Variants in PLAGL1 observed in about 807,000 individuals in gnomAD.
The protein encoded by PLAGL1 is PLAG1 like zinc finger 1.
In PLAGL1, 1 loss-of-function variant was observed where a neutral mutation model predicts 4.6. The observed-to-expected ratio is 0.22, with a 90% CI of 0.08 to 1.03. The LOEUF is 1.03. PLAGL1 is among the 50% of genes least tolerant of loss of function. The pLI is 0.58. For synonymous variants in PLAGL1, 240 were observed against 237.8 expected (o/e 1.01, Z -0.08); for missense variants, 464 against 570.4 (o/e 0.81, Z 1.90).
chr6:144,009,839 G>A (rs995346390), upstream of PLAGL1, among the ~76,000 whole-genome samples: 1 of 152,282 alleles, frequency 6.6e-6, no homozygotes, highest in South Asian at 2.1e-4. Context: ...CCCTACAAAG[G>A]ACATGAACTC....
At chr6:143,999,783 A>T (rs1792436385) in intron 1 of PLAGL1, among the ~76,000 whole-genome samples, 1 of 152,256 alleles carries the variant, frequency 6.6e-6, no homozygotes, top group Admixed American at 6.5e-5. Flanking sequence ...AAGATGATTT[A>T]GTAATTAATT....
Position 143,941,518 on chromosome 6 carries a change from C to T in PLAGL1, c.1298G>A (p.Ser433Asn). ...GGGGGGCAGGGGGAGCTGGCCCAGG[C>T]TCACAGTGCCCATGGCAAGTGGGGG... ...QEPPLAMGTVSLGQLPLPPIP... is the reference protein window; with the variant it reads ...QEPPLAMGTVNLGQLPLPPIP... Residue 433 changes from serine to asparagine, a missense_variant, in exon 8 of 8, where the codon AGC becomes AAC. Ser to Asn is a conservative substitution (Grantham distance 46, BLOSUM62 1). Transcript: ENST00000674357. This position sits in a 1 kb window ranked among gnomAD's most constrained non-coding sequence, Gnocchi z 6.0. 1 of 1,545,422 alleles carries T rather than the reference C, an allele frequency of 6.5e-7. No individual in the cohort carries two copies. The highest frequency in any genetic ancestry group is 8.7e-7 in the Non-Finnish European group (1 of 1,146,268).
At chr6:144,020,971 GT>G (rs1248362390) in intron 1 of PLAGL1, among the ~76,000 whole-genome samples, 1 of 149,798 alleles carries the variant, frequency 6.7e-6, no homozygotes, top group Non-Finnish European at 1.5e-5. Context: ...ATATGAGCTG[GT>G]TAAGACATAC....
At position 143,945,713 on chromosome 6, in the gene PLAGL1, G is replaced by C. The variant is rs1372627337; in HGVS notation, c.152+2272C>G. Among the ~76,000 whole-genome samples, 1 of 152,160 alleles carries C rather than the reference G, an allele frequency of 6.6e-6. No individual in the cohort carries two copies. Among genetic ancestry groups the C allele is most frequent in the African/African-American group, 2.4e-5 (1 of 41,426 alleles). ...GATTATCTCGATCTGTTGACCTCAT[G>C]ATCCACCCACCTCGGCCTCCCAAAG... On this transcript the variant is annotated intron_variant, in intron 7 of 7. Transcript: ENST00000674357. The surrounding 1 kb of genome is among the most constrained non-coding windows in gnomAD (Gnocchi z 4.2).
rs527821007 is a variant in PLAGL1 at position 144,034,971 on chromosome 6, T to C, written c.-151+29497A>G. 2.4e-4 allele frequency among the ~76,000 whole-genome samples: 37 copies of C among 152,300 alleles called. No individual in the cohort carries two copies. The South Asian group carries it at 7.7e-3, about 32-fold the overall frequency. Reference sequence around the variant, plus strand: ...CTTGGAAATAAGGTAAATTGATGGATGGGTATGTAATACATTGAGAACAGT... The same window carrying C: ...CTTGGAAATAAGGTAAATTGATGGACGGGTATGTAATACATTGAGAACAGT... On this transcript the variant is annotated intron_variant, in intron 1 of 3. Coordinates refer to the PLAGL1 transcript ENST00000437412. This position sits in a 1 kb window ranked among gnomAD's most constrained non-coding sequence, Gnocchi z 4.7.
rs1489962322 is a variant in PLAGL1, at chr6:144,000,498, T to A, written c.-584+7592A>T. On this transcript the variant is annotated intron_variant, in intron 1 of 7. Transcript: ENST00000674357. This position sits in a 1 kb window ranked among gnomAD's most constrained non-coding sequence, Gnocchi z 4.1. ...AAAATATGTACAAGTCCTTTATTTA[T>A]ATCATATCATTGAAGGACACAAAAA... Among the ~76,000 whole-genome samples, 1 of 152,282 alleles carries A rather than the reference T, an allele frequency of 6.6e-6. No homozygotes were observed. The highest frequency in any genetic ancestry group is 2.4e-5 in the African/African-American group (1 of 41,574).
At chr6:144,052,795 C>T (rs561591912) in intron 1 of PLAGL1, among the ~76,000 whole-genome samples, 1 of 152,082 alleles carries the variant, frequency 6.6e-6, no homozygotes, top group South Asian at 2.1e-4. Flanking sequence ...TTTCCTTTTC[C>T]AACAACTAGT....
At position 144,055,041 on chromosome 6, in the gene PLAGL1, C is replaced by T. The variant is rs1798866947; in HGVS notation, c.-151+9427G>A. On this transcript the variant is annotated intron_variant, in intron 1 of 3. Transcript: ENST00000437412. The surrounding 1 kb of genome is among the most constrained non-coding windows in gnomAD (Gnocchi z 5.0). ...CCAGCACCTTTTCAACATGAATTGT[C>T]ATAATAAAGGATTCCATCCAAGTGT... Among the ~76,000 whole-genome samples, 1 of 151,968 alleles carries T rather than the reference C, an allele frequency of 6.6e-6. No homozygotes were observed. Among genetic ancestry groups the T allele is most frequent in the South Asian group, 2.1e-4 (1 of 4,812 alleles).
Position 144,015,009 on chromosome 6 carries a change from C to T in PLAGL1, c.-150-46031G>A, listed in dbSNP as rs1030161397. ...TGCATTTCACGCCATTCACAAAAAACGAATCAAGTGAAATCTCAGACCTAA... is the reference window on the plus strand; with the variant it reads ...TGCATTTCACGCCATTCACAAAAAATGAATCAAGTGAAATCTCAGACCTAA... On this transcript the variant is annotated intron_variant, in intron 1 of 3. Transcript: ENST00000437412. The surrounding 1 kb of genome is among the most constrained non-coding windows in gnomAD (Gnocchi z 4.3). Among the ~76,000 whole-genome samples the T allele has an allele frequency of 1.1e-4, 17 of 152,108 alleles. No homozygotes were observed. The highest frequency in any genetic ancestry group is 4.1e-4 in the South Asian group (2 of 4,828).
At chr6:143,974,694 A>G (rs1786115999) in intron 2 of PLAGL1, among the ~76,000 whole-genome samples, 1 of 152,170 alleles carries the variant, frequency 6.6e-6, no homozygotes, top group Admixed American at 6.5e-5. Context: ...CACTCTTCCA[A>G]AATCACGACA....
In PLAGL1 at chr6:143,960,860, T is replaced by C. The variant is rs1353399726; in HGVS notation, c.-398-318A>G. ...AAATGGTATTTTTTAAAACCAACAG[T>C]ATTAAAATACCATAAAACAGGTATG... is the stretch of plus-strand genomic sequence containing the variant. On this transcript the variant is annotated intron_variant, in intron 5 of 7. Coordinates refer to ENST00000674357, the MANE Select transcript of PLAGL1 (RefSeq NM_001317162.2). The surrounding 1 kb of genome is among the most constrained non-coding windows in gnomAD (Gnocchi z 5.7). The C allele has an allele frequency of 6.6e-6, 1 of 152,172 alleles. No individual in the cohort carries two copies. The highest frequency in any genetic ancestry group is 1.5e-5 in the Non-Finnish European group (1 of 68,028). The allele number at this position is 152,172 out of a possible 1,614,324, so 9.4% of individuals were successfully genotyped here.
intron 1 of PLAGL1, chr6:144,037,017 A>G (rs1483474373): frequency 1.8e-5 from 3 of 164,168 alleles, no homozygotes; most frequent in East Asian, 1.9e-4. Flanking sequence ...TCCTTCGCAC[A>G]GTCTGCTTGC....
At position 143,989,574 on chromosome 6, in the gene PLAGL1, G is replaced by A. The variant is rs772145504; in HGVS notation, c.-583-4400C>T. Among the ~76,000 whole-genome samples the A allele has an allele frequency of 6.6e-5, 10 of 152,188 alleles. No homozygotes were observed. The highest frequency in any genetic ancestry group is 2.1e-4 in the South Asian group (1 of 4,830). On this transcript the variant is annotated intron_variant, in intron 1 of 7. Coordinates refer to ENST00000674357, the MANE Select transcript of PLAGL1 (RefSeq NM_001317162.2). This position sits in a 1 kb window ranked among gnomAD's most constrained non-coding sequence, Gnocchi z 4.8. ...CCCCTGGTTCCTCTGCTTCTCAGGC[G>A]TTCAGCCTTGGACCAGAATCACACC...
intron 7 of PLAGL1, among the ~76,000 whole-genome samples, chr6:143,946,437 CAG>C (rs779545098): frequency 2.2e-4 from 34 of 152,346 alleles, no homozygotes; most frequent in Non-Finnish European, 3.8e-4. Flanking sequence ...TCATGCAAAA[CAG>C]GGAGCCTCTG....
chr6:143,951,388 C>T lies in PLAGL1; in HGVS notation c.-324-2928G>A, dbSNP rs574740270. Among the ~76,000 whole-genome samples the T allele has an allele frequency of 2.6e-5, 4 of 152,306 alleles. No individual in the cohort carries two copies. In the South Asian group the frequency reaches 8.3e-4, roughly 32 times the overall value. On this transcript the variant is annotated intron_variant, in intron 6 of 7. Coordinates refer to ENST00000674357, the MANE Select transcript of PLAGL1 (RefSeq NM_001317162.2). ...TGGATACTACACCATATCAATTATA[C>T]TGGAAAGAAGTGGCAGTGTGGACAA...
chr6:144,003,707 C>T (rs1793488667), intron 1 of PLAGL1, among the ~76,000 whole-genome samples: 2 of 151,456 alleles, frequency 1.3e-5, no homozygotes, highest in Admixed American at 1.3e-4. Flanking sequence ...GATTCCCTAT[C>T]CAGATTATAT....
At position 144,048,399 on chromosome 6, in the gene PLAGL1, A is replaced by G. The variant is rs1174843466; in HGVS notation, c.-151+16069T>C. On this transcript the variant is annotated intron_variant, in intron 1 of 3. Transcript: ENST00000437412. The surrounding 1 kb of genome is among the most constrained non-coding windows in gnomAD (Gnocchi z 4.8). ...CATTTTCCTCCTGGACTACGCTAGC[A>G]GAGGTTCTCCATGAGAGCTCCACCC... is the stretch of plus-strand genomic sequence containing the variant. Among the ~76,000 whole-genome samples, 1 of 152,216 alleles carries G rather than the reference A, an allele frequency of 6.6e-6. No homozygotes were observed. Among genetic ancestry groups the G allele is most frequent in the Non-Finnish European group, 1.5e-5 (1 of 68,034 alleles).
At position 143,941,550 on chromosome 6, in the gene PLAGL1, C is replaced by A. The variant is rs776397265; in HGVS notation, c.1266G>T (p.Gln422His). 4.5e-6 allele frequency: 7 copies of A among 1,568,752 alleles called. No homozygotes were observed. Among genetic ancestry groups the A allele is most frequent in the Non-Finnish European group, 5.2e-6 (6 of 1,156,818 alleles). ...PHRLSCLGQQQQEPPLAMGTV... is the reference protein window; with the variant it reads ...PHRLSCLGQQHQEPPLAMGTV... ...TGCCCATGGCAAGTGGGGGTTCTTG[C>A]TGCTGCTGCCCCAGACAGCTTAACC... is the stretch of plus-strand genomic sequence containing the variant. Residue 422 changes from glutamine (Q) to histidine (H), a missense_variant, in exon 8 of 8, where the codon CAG (glutamine) becomes CAT (histidine). This residue lies in a region of PLAGL1 where 248 missense variants were observed against 250.1 expected (regional missense o/e 0.99). Transcript: ENST00000674357. The surrounding 1 kb of genome is among the most constrained non-coding windows in gnomAD (Gnocchi z 6.0).
rs896867506 is a variant in PLAGL1, at chr6:143,973,208, G to A, written c.-543-4230C>T. On this transcript the variant is annotated intron_variant, in intron 2 of 7. Transcript: ENST00000674357. This position sits in a 1 kb window ranked among gnomAD's most constrained non-coding sequence, Gnocchi z 6.2. ...AGGAAAACAGGGCATTGATTTCAGC[G>A]AGTTCCCAGGGAGCAGCTGCAACAA... Among the ~76,000 whole-genome samples the A allele has an allele frequency of 6.6e-6, 1 of 152,102 alleles. No individual in the cohort carries two copies. Among genetic ancestry groups the A allele is most frequent in the South Asian group, 2.1e-4 (1 of 4,830 alleles).
Sources: allele counts gnomAD v4.1 joint callset (sites outside exome capture counted in the v4.1 genomes callset), GRCh38; gene constraint gnomAD v4.1.1; regional missense constraint gnomAD v4.1.1; non-coding constraint Gnocchi (gnomAD v3.1); transcripts MANE v1.5; gene names NCBI Gene and HGNC (gene_info 2026-07-23, HGNC 2026-07-21).